Variants in HCRTR2 observed in about 807,000 individuals in gnomAD.
The protein encoded by HCRTR2 is hypocretin receptor 2.
Under a neutral mutation model 49.0 loss-of-function variants are expected in HCRTR2, and 22 were observed. The ratio of observed to expected loss-of-function variants is 0.45; its 90% CI spans 0.32 to 0.64. The LOEUF is 0.64. HCRTR2 is among the 30% of genes least tolerant of loss of function. The pLI, the probability that HCRTR2 is intolerant of heterozygous loss-of-function variation, is 0.04. For synonymous variants in HCRTR2, 236 were observed against 205.3 expected, an observed-to-expected ratio of 1.15 and a Z score of -1.28; for missense variants, 491 against 559.4, an observed-to-expected ratio of 0.88 and a Z score of 1.23.
At chr6:55,132,205 AT>A (rs1446618361) in intron 1 of HCRTR2, among the ~76,000 whole-genome samples, 1 of 151,902 alleles carries the variant, frequency 6.6e-6, no homozygotes, top group Non-Finnish European at 1.5e-5. Context: ...TGATTTGTTA[AT>A]TTAATAACAA....
intron 1 of HCRTR2, among the ~76,000 whole-genome samples, chr6:55,121,485 G>T (rs528601157): frequency 6.6e-6 from 1 of 152,112 alleles, no homozygotes; most frequent in East Asian, 1.9e-4. Context: ...TTGCCTGATT[G>T]CCCTGGACAG....
At chr6:55,178,457 A>G (rs1391707173) in intron 1 of HCRTR2, among the ~76,000 whole-genome samples, 1 of 152,342 alleles carries the variant, frequency 6.6e-6, no homozygotes, top group East Asian at 1.9e-4. Context: ...TAGAAATAGT[A>G]TCAGGATATA....
At chr6:55,211,689 A>T (rs887376049) in intron 1 of HCRTR2, among the ~76,000 whole-genome samples, 1 of 152,124 alleles carries the variant, frequency 6.6e-6, no homozygotes, top group African/African-American at 2.4e-5. Context: ...AAATTCTTAA[A>T]CACAGCATGC....
chr6:55,112,686 A>T (rs757226660), intron 1 of HCRTR2, among the ~76,000 whole-genome samples: 12 of 151,990 alleles, frequency 7.9e-5, no homozygotes, highest in Non-Finnish European at 1.8e-4. Flanking sequence ...TGGATATGTA[A>T]ACTCAATTTT....
chr6:55,226,812 G>A (rs372044559), intron 1 of HCRTR2, among the ~76,000 whole-genome samples: 5 of 138,370 alleles, frequency 3.6e-5, no homozygotes, highest in Middle Eastern at 4.5e-3. Flanking sequence ...TCCGCCTCCC[G>A]GGTTCACACC....
intron 1 of HCRTR2, among the ~76,000 whole-genome samples, chr6:55,242,945 A>G (rs1379949456): frequency 6.6e-6 from 1 of 152,242 alleles, no homozygotes; most frequent in African/African-American, 2.4e-5. Context: ...CATAAAAACT[A>G]TATCTGAATA....
intron 1 of HCRTR2, among the ~76,000 whole-genome samples, chr6:55,113,061 T>C (rs1764071531): frequency 6.6e-6 from 1 of 151,972 alleles, no homozygotes; most frequent in Non-Finnish European, 1.5e-5. Flanking sequence ...GGTGCTAGGA[T>C]AACTGGCAAG....
At chr6:55,195,958 C>T (rs549861251) in intron 1 of HCRTR2, among the ~76,000 whole-genome samples, 11 of 151,692 alleles carry the variant, frequency 7.3e-5, no homozygotes, top group African/African-American at 1.7e-4. Context: ...GGCGACAGAG[C>T]GAGACTTCGT....
At chr6:55,231,187 C>G (rs1242342428) in intron 1 of HCRTR2, among the ~76,000 whole-genome samples, 2 of 152,092 alleles carry the variant, frequency 1.3e-5, no homozygotes, top group Non-Finnish European at 2.9e-5. Context: ...ATACATAACA[C>G]TCACTTATGT....
At chr6:55,270,073 A>C (rs1021881408) in intron 4 of HCRTR2, among the ~76,000 whole-genome samples, 5 of 152,220 alleles carry the variant, frequency 3.3e-5, no homozygotes, top group Non-Finnish European at 5.9e-5. Flanking sequence ...AGAATTATGA[A>C]TTCACTGTAT....
intron 4 of HCRTR2, among the ~76,000 whole-genome samples, chr6:55,265,901 A>G (rs1047918226): frequency 3.3e-5 from 5 of 152,098 alleles, no homozygotes; most frequent in Admixed American, 6.6e-5. Context: ...AAGGGAGAGA[A>G]CACCGTCGTG....
chr6:55,269,826 G>A (rs1766937861), intron 4 of HCRTR2, among the ~76,000 whole-genome samples: 1 of 152,022 alleles, frequency 6.6e-6, no homozygotes, highest in Non-Finnish European at 1.5e-5. Flanking sequence ...AGGCATGGTG[G>A]TGCAGTGCAA....
At chr6:55,153,068 T>C (rs1764684144) in intron 1 of HCRTR2, among the ~76,000 whole-genome samples, 1 of 152,044 alleles carries the variant, frequency 6.6e-6, no homozygotes, top group Non-Finnish European at 1.5e-5. Context: ...TATTTATGTG[T>C]GGTGCAACGT....
intron 4 of HCRTR2, among the ~76,000 whole-genome samples, chr6:55,275,566 T>C (rs202229558): frequency 1.1e-4 from 16 of 145,548 alleles, no homozygotes; most frequent in South Asian, 2.2e-4. Flanking sequence ...ATTTTTTTTT[T>C]CCCGATTTCA....
Position 55,269,896 on chromosome 6 carries a change from G to A in HCRTR2, c.762+6074G>A, listed in dbSNP as rs1354847617. On this transcript the variant is annotated intron_variant, in intron 4 of 6. Coordinates refer to ENST00000370862, the MANE Select transcript of HCRTR2 (RefSeq NM_001384272.1). ...TGAGAATCATTTGAGCCTCAGAGGT[G>A]GAGGCTGCAGTGAGCTAAGACTGCA... 2.6e-5 allele frequency among the ~76,000 whole-genome samples: 4 copies of A among 152,114 alleles called. No individual in the cohort carries two copies. The South Asian group carries it at 8.3e-4, about 32-fold the overall frequency.
At chr6:55,229,907 A>G (rs1165386553) in intron 1 of HCRTR2, among the ~76,000 whole-genome samples, 2 of 152,194 alleles carry the variant, frequency 1.3e-5, no homozygotes, top group African/African-American at 4.8e-5. Context: ...TTTCACAATG[A>G]AAGTACAGTA....
intron 1 of HCRTR2, among the ~76,000 whole-genome samples, chr6:55,145,417 GT>G (rs11284230): frequency 0.88 from 112,852 of 128,674 alleles, 49,631 homozygotes; most frequent in East Asian, 0.96. Context: ...TTTTTTGTTT[GT>G]TTTTTTTTTT....
intron 3 of HCRTR2, among the ~76,000 whole-genome samples, chr6:55,261,411 T>G (rs569040620): frequency 6.6e-6 from 1 of 152,236 alleles, no homozygotes; most frequent in South Asian, 2.1e-4. Flanking sequence ...TTTTTATTTT[T>G]TATTTTATTT....
intron 1 of HCRTR2, among the ~76,000 whole-genome samples, chr6:55,205,736 T>C (rs78941511): frequency 0.035 from 5,258 of 152,216 alleles, 108 homozygotes; most frequent in African/African-American, 0.049. Context: ...TGTTTGTTTG[T>C]TTTTGATTGG....
Sources: gnomAD v4.1 joint callset for allele counts (sites outside exome capture counted in the v4.1 genomes callset) on GRCh38, gnomAD v4.1.1 for gene constraint, MANE v1.5 for transcripts, NCBI Gene and HGNC (gene_info 2026-07-23, HGNC 2026-07-21) for gene names.